The following SACM1L variants were observed in gnomAD, a reference collection of about 807,000 sequenced individuals.
The protein encoded by SACM1L is phosphatidylinositol-3-phosphatase SAC1.
A neutral mutation model predicts 89.5 loss-of-function variants in SACM1L; 32 were observed. The ratio of observed to expected loss-of-function variants is 0.36; its 90% CI spans 0.27 to 0.48. SACM1L has a LOEUF of 0.48. Ranked by LOEUF, SACM1L falls within the 20% of genes least tolerant of loss-of-function variation. SACM1L has a pLI of 0.99. For synonymous variants in SACM1L, 213 were observed against 232.8 expected (o/e 0.92, Z 0.77); for missense variants, 543 against 708.5 (o/e 0.77, Z 2.65).
At chr3:45,689,635 G>A (rs1385966807) in intron 1 of SACM1L, 138 bp downstream of exon 1, 8 of 1,089,520 alleles carry the variant, frequency 7.3e-6, no homozygotes, top group African/African-American at 1.5e-5. Context: ...TTCCTCAGCC[G>A]GCGCGGCCTC....
intron 18 of SACM1L, 44 bp downstream of exon 18, chr3:45,738,917 G>A (rs1379649219): frequency 8.4e-7 from 1 of 1,192,764 alleles, no homozygotes; most frequent in South Asian, 1.3e-5. Context: ...AAAGCATTGT[G>A]TCTGAAGGTA....
Position 45,722,054 on chromosome 3 carries a change from A to C in SACM1L, c.734A>C (p.His245Pro), listed in dbSNP as rs747482613. 6.2e-7 allele frequency: 1 copy of C among 1,612,834 alleles called. No homozygotes were observed. Among genetic ancestry groups the C allele is most frequent in the Non-Finnish European group, 8.5e-7 (1 of 1,179,368 alleles). The change falls in exon 9 of 20, where the codon CAC becomes CCC. Residue 245 changes from histidine to proline, a missense_variant. Physicochemically the swap from His to Pro is moderately conservative, Grantham distance 77. This residue lies in a region of SACM1L where 370 missense variants were observed against 527.6 expected (regional missense o/e 0.70). Transcript: ENST00000389061. ...ANFVETEQIV[H>P]YNGSKASFVQ... ...TTTGTAGAAACAGAACAAATTGTGC[A>C]CTACAATGGGAGCAAAGCTTCGTTT...
In SACM1L at chr3:45,742,452, G is replaced by A. The variant is rs536985488; in HGVS notation, c.1628-1081G>A. Among the ~76,000 whole-genome samples the A allele has an allele frequency of 3.3e-5, 5 of 152,282 alleles. No individual in the cohort carries two copies. In the South Asian group the frequency reaches 6.2e-4, roughly 19 times the overall value. ...AGGAGTCTGGATGCTAGTTTCTTCC[G>A]TGGTGTGCTCACTGGCTGTCATTCC... On this transcript the variant is annotated intron_variant, in intron 19 of 19. Coordinates refer to ENST00000389061, the MANE Select transcript of SACM1L (RefSeq NM_014016.5).
chr3:45,723,566 G>A (rs1228182274), intron 11 of SACM1L, 23 bp downstream of exon 11: 1 of 1,304,004 alleles, frequency 7.7e-7, no homozygotes, highest in Non-Finnish European at 1.0e-6. Flanking sequence ...TGTTTCTTGG[G>A]GGGAAAAAAA....
At chr3:45,713,951 A>G (rs1396752534) in intron 6 of SACM1L, 95 bp from the exon 7 acceptor site, 2 of 585,292 alleles carry the variant, frequency 3.4e-6, no homozygotes, top group East Asian at 3.3e-5. Flanking sequence ...CTACCTTGTT[A>G]TGTTTGTATA....
At chr3:45,713,897 T>A in intron 6 of SACM1L, 149 bp from the exon 7 acceptor site, 1 of 374,042 alleles carries the variant, frequency 2.7e-6, no homozygotes, top group East Asian at 4.4e-5. Flanking sequence ...TACTTAATGT[T>A]ACATTAGAGA....
intron 1 of SACM1L, among the ~76,000 whole-genome samples, chr3:45,691,136 G>A (rs1000238584): frequency 6.6e-6 from 1 of 152,154 alleles, no homozygotes; most frequent in Non-Finnish European, 1.5e-5. Context: ...TTTTTGTATT[G>A]ATTTTTGTGA....
intron 11 of SACM1L, among the ~76,000 whole-genome samples, chr3:45,723,893 A>ATT (rs1188793221): frequency 6.6e-6 from 1 of 151,862 alleles, no homozygotes; most frequent in African/African-American, 2.4e-5. Context: ...CATGTATAGA[A>ATT]TTTCATTCTT....
intron 11 of SACM1L, among the ~76,000 whole-genome samples, chr3:45,726,457 G>A (rs1477561030): frequency 6.6e-6 from 1 of 151,708 alleles, no homozygotes; most frequent in African/African-American, 2.4e-5. Context: ...CAGGTTATAT[G>A]TCTAGGAATT....
intron 1 of SACM1L, among the ~76,000 whole-genome samples, chr3:45,700,838 A>G (rs981904778): frequency 2.0e-5 from 3 of 152,050 alleles, no homozygotes; most frequent in African/African-American, 7.2e-5. Flanking sequence ...TGGCCAGCTA[A>G]TGTTTGTATT....
intron 11 of SACM1L, among the ~76,000 whole-genome samples, chr3:45,726,388 A>G (rs1394072108): frequency 2.0e-5 from 3 of 151,440 alleles, no homozygotes; most frequent in Non-Finnish European, 4.4e-5. Context: ...TACTGATTCA[A>G]TCTCCTTACT....
At chr3:45,723,074 T>C in intron 10 of SACM1L, 119 bp downstream of exon 10, 1 of 849,958 alleles carries the variant, frequency 1.2e-6, no homozygotes, top group Middle Eastern at 2.3e-4. Context: ...TTGAGGCTAT[T>C]CTTCTTGGTT....
At chr3:45,703,380 T>G in intron 1 of SACM1L, 58 bp from the exon 2 acceptor site, 2 of 1,182,162 alleles carry the variant, frequency 1.7e-6, no homozygotes, top group Non-Finnish European at 2.5e-6. Flanking sequence ...TAATAAGTAG[T>G]TTTTTAGAAG....
rs201947084 is a variant in SACM1L at position 45,735,901 on chromosome 3, C to G, written c.1239+528C>G. Among the ~76,000 whole-genome samples the G allele has an allele frequency of 3.9e-5, 6 of 152,164 alleles. No homozygotes were observed. In the East Asian group the frequency reaches 1.2e-3, roughly 29 times the overall value. On this transcript the variant is annotated intron_variant, in intron 14 of 19. Coordinates refer to ENST00000389061, the MANE Select transcript of SACM1L (RefSeq NM_014016.5). Reference sequence around the variant, plus strand: ...TTTTTCCTTGAGAAAGTGTCTGGCTCTGTTGCCCAGGCTGGAGTGCAGTGG... The same window carrying G: ...TTTTTCCTTGAGAAAGTGTCTGGCTGTGTTGCCCAGGCTGGAGTGCAGTGG...
intron 4 of SACM1L, 29 bp downstream of exon 4, chr3:45,706,936 A>G (rs1352760109): frequency 8.1e-6 from 13 of 1,607,804 alleles, no homozygotes; most frequent in Non-Finnish European, 8.5e-6. Context: ...TACTAATTGC[A>G]GCGCCCAAAG....
chr3:45,716,627 G>A (rs184265557), intron 7 of SACM1L, among the ~76,000 whole-genome samples: 239 of 152,204 alleles, frequency 1.6e-3, no homozygotes, highest in African/African-American at 5.3e-3. Context: ...TGTGGTTGCT[G>A]ATGGGTGTGT....
chr3:45,713,297 CA>C, intron 6 of SACM1L, 101 bp downstream of exon 6: 2 of 905,504 alleles, frequency 2.2e-6, no homozygotes, highest in Non-Finnish European at 3.4e-6. Context: ...TTTCGAGAAA[CA>C]ATTCTAATTT....
At chr3:45,725,645 AC>A (rs1698901131) in intron 11 of SACM1L, among the ~76,000 whole-genome samples, 1 of 150,576 alleles carries the variant, frequency 6.6e-6, no homozygotes, top group African/African-American at 2.4e-5. Flanking sequence ...TCACCTGTGA[AC>A]AGAGATAATT....
chr3:45,737,417 A>C, intron 14 of SACM1L, 166 bp from the exon 15 acceptor site: 1 of 675,708 alleles, frequency 1.5e-6, no homozygotes, highest in South Asian at 1.8e-5. Context: ...TGCCCTGGGC[A>C]GGAGAGGGCT....
Sources: allele counts gnomAD v4.1 joint callset (sites outside exome capture counted in the v4.1 genomes callset), GRCh38; gene constraint gnomAD v4.1.1; regional missense constraint gnomAD v4.1.1; transcripts MANE v1.5; gene names NCBI Gene and HGNC (gene_info 2026-07-23, HGNC 2026-07-21).